Variants in SLC9A7 observed in about 807,000 individuals in gnomAD.
SLC9A7 encodes the protein sodium/hydrogen exchanger 7.
A neutral mutation model predicts 52.6 loss-of-function variants in SLC9A7; 19 were observed. That is an observed-to-expected ratio of 0.36 (90% CI 0.25 to 0.53). The LOEUF (loss-of-function observed/expected upper bound fraction) is 0.53, where lower values mean the gene tolerates loss of function less well. Among genes scored for constraint, SLC9A7 ranks in the 20% least tolerant of loss-of-function variants. The pLI, the probability that SLC9A7 is intolerant of heterozygous loss-of-function variation, is 0.91. For synonymous variants in SLC9A7, 226 were observed against 252.1 expected, an observed-to-expected ratio of 0.90 and a Z score of 0.98; for missense variants, 455 against 597.9, an observed-to-expected ratio of 0.76 and a Z score of 2.49.
In SLC9A7 at chrX:46,619,734, TTC is replaced by T. The variant is rs1358359420; in HGVS notation, c.1823+1241_1823+1242del. 2.7e-4 allele frequency among the ~76,000 whole-genome samples: 15 copies of T among 55,678 alleles called. No homozygotes were observed. In the African/African-American group the frequency reaches 2.7e-3, roughly 10 times the overall value. The allele number at this position is 55,678 out of a possible 115,157, so 48.3% of individuals were successfully genotyped here. A position where few individuals can be genotyped will look rare whatever the true frequency, so the allele number is the denominator to read the frequency against. ...TGAGGGGTTTGGCAATTTTCTTTCT[TTC>T]TTTTTTTTTTTTTGGAGACAGGGCC... On this transcript the variant is annotated intron_variant, in intron 15 of 16. Coordinates refer to ENST00000616978, the MANE Select transcript of SLC9A7 (RefSeq NM_001257291.2).
rs956761326 is a variant in SLC9A7, at chrX:46,606,160, A to C, written c.*792T>G. 10 of 676,157 alleles carry C rather than the reference A, an allele frequency of 1.5e-5. No homozygotes were observed. The South Asian group carries it at 2.3e-4, about 16-fold the overall frequency. 55.7% of individuals were successfully genotyped at this position (676,157 alleles called of 1,213,427 possible). A position where few individuals can be genotyped will look rare whatever the true frequency, so the allele number is the denominator to read the frequency against. On this transcript the variant is annotated 3_prime_UTR_variant, in exon 17 of 17. Coordinates refer to ENST00000616978, the MANE Select transcript of SLC9A7 (RefSeq NM_001257291.2). ...ACAGAGTGAAACACCATCTCAACAA[A>C]AAAAAAAAGTTGAATGCTTTTTGCA... is the stretch of plus-strand genomic sequence containing the variant.
chrX:46,688,512 G>T (rs1044902549), intron 1 of SLC9A7, among the ~76,000 whole-genome samples: 5 of 108,354 alleles, frequency 4.6e-5, no homozygotes, highest in African/African-American at 1.4e-4. Flanking sequence ...CAGGAGAATC[G>T]CTTGAACCTG....
intron 1 of SLC9A7, among the ~76,000 whole-genome samples, chrX:46,730,464 C>T (rs1259997712): frequency 2.9e-5 from 3 of 105,161 alleles, no homozygotes; most frequent in African/African-American, 1.0e-4. Context: ...TTCAAGACCA[C>T]CCTGGGAATC....
At position 46,624,383 on chromosome X, in the gene SLC9A7, G is replaced by C. The variant is rs1943092187; in HGVS notation, c.1741-3324C>G. On this transcript the variant is annotated intron_variant, in intron 14 of 16. Coordinates refer to ENST00000616978, the MANE Select transcript of SLC9A7 (RefSeq NM_001257291.2). The stretch of plus-strand genomic sequence containing the variant: ...GTACGTAGTGAGTTAAACTGTAGGA[G>C]GTCCAGTTGGTACTCATTGGGAATT... Among the ~76,000 whole-genome samples, 3 of 112,131 alleles carry C rather than the reference G, an allele frequency of 2.7e-5. No homozygotes were observed. In the South Asian group the frequency reaches 1.1e-3, roughly 41 times the overall value.
At chrX:46,648,427 C>T (rs1053243813) in intron 11 of SLC9A7, among the ~76,000 whole-genome samples, 3 of 111,308 alleles carry the variant, frequency 2.7e-5, no homozygotes, top group African/African-American at 9.8e-5. Context: ...AACACCATAT[C>T]TCCAGGTCCG....
rs1186810595 is a variant in SLC9A7, at chrX:46,620,998, A to G, written c.1802T>C (p.Leu601Pro). ...ATACTTGTGATCAAAGCTGTACCAC[A>G]GCCTGAATATCCATGCGCTCTCCTG... The part of the protein sequence containing the change: ...TKQESAWIFR[L>P]WYSFDHNYLK... The change falls in exon 15 of 17, where the codon CTG becomes CCG. Residue 601 changes from leucine (L) to proline (P), a missense_variant. Leu to Pro is a moderately conservative substitution (Grantham distance 98, BLOSUM62 -3). Around this residue, in one of 3 missense-constraint regions of SLC9A7, gnomAD observed 146 missense variants for 160.5 expected, o/e 0.91. Coordinates refer to ENST00000616978, the MANE Select transcript of SLC9A7 (RefSeq NM_001257291.2). 5.0e-6 allele frequency: 6 copies of G among 1,205,957 alleles called. No individual in the cohort carries two copies. The highest frequency in any genetic ancestry group is 5.6e-6 in the Non-Finnish European group (5 of 891,929).
intron 1 of SLC9A7, among the ~76,000 whole-genome samples, chrX:46,735,626 C>G (rs1481260999): frequency 8.9e-6 from 1 of 111,817 alleles, no homozygotes; most frequent in Admixed American, 9.5e-5. Context: ...CTTTTTTCTG[C>G]CTGAAGAATT....
chrX:46,623,901 T>C (rs1280077981), intron 14 of SLC9A7, among the ~76,000 whole-genome samples: 2 of 111,910 alleles, frequency 1.8e-5, no homozygotes, highest in Admixed American at 9.4e-5. Flanking sequence ...TGGACACTGA[T>C]TGCCAGAGAA....
chrX:46,663,814 C>T (rs1943872409), intron 5 of SLC9A7, among the ~76,000 whole-genome samples: 1 of 109,914 alleles, frequency 9.1e-6, no homozygotes, highest in Admixed American at 9.7e-5. Flanking sequence ...ACAAAATTAG[C>T]CGGGTGTGGT....
chrX:46,649,541 C>G (rs1163907839), intron 10 of SLC9A7, among the ~76,000 whole-genome samples: 1 of 111,707 alleles, frequency 9.0e-6, no homozygotes, highest in Non-Finnish European at 1.9e-5. Context: ...ACTTGCTGAG[C>G]TTAGAATAGT....
At chrX:46,673,790 C>T in intron 3 of SLC9A7, among the ~76,000 whole-genome samples, 1 of 111,229 alleles carries the variant, frequency 9.0e-6, no homozygotes, top group Non-Finnish European at 1.9e-5. Context: ...CCAGTGCTTG[C>T]CCCTATCTGA....
chrX:46,676,751 T>G (rs756276408), intron 3 of SLC9A7, among the ~76,000 whole-genome samples: 125 of 111,738 alleles, frequency 1.1e-3, no homozygotes, highest in African/African-American at 3.8e-3. Flanking sequence ...ATCTACTACA[T>G]GTCAATAGAT....
intron 1 of SLC9A7, among the ~76,000 whole-genome samples, chrX:46,738,980 T>G (rs191515266): frequency 9.0e-6 from 1 of 111,449 alleles, no homozygotes; most frequent in East Asian, 2.8e-4. Context: ...TATATTAAAT[T>G]ACAACATTAC....
At chrX:46,723,514 A>T (rs1298378012) in intron 1 of SLC9A7, among the ~76,000 whole-genome samples, 2 of 110,110 alleles carry the variant, frequency 1.8e-5, no homozygotes. Flanking sequence ...AAAGCCATGG[A>T]CCCTGTCAAG....
chrX:46,724,347 AG>A (rs1944910791), intron 1 of SLC9A7, among the ~76,000 whole-genome samples: 1 of 111,936 alleles, frequency 8.9e-6, no homozygotes, highest in Admixed American at 9.5e-5. Flanking sequence ...TGGTAGACCC[AG>A]GGCCCAAGCC....
chrX:46,668,791 A>C (rs991911437), intron 5 of SLC9A7, among the ~76,000 whole-genome samples: 1 of 111,661 alleles, frequency 9.0e-6, no homozygotes, highest in African/African-American at 3.3e-5. Context: ...ATAGCATTTC[A>C]ATTTTGCAAG....
intron 1 of SLC9A7, among the ~76,000 whole-genome samples, chrX:46,754,937 G>A (rs1172383533): frequency 2.7e-5 from 3 of 112,368 alleles, no homozygotes; most frequent in Non-Finnish European, 3.8e-5. Context: ...TCACATAACA[G>A]AGACAGACAG....
chrX:46,607,830 T>G (rs1372413007), intron 16 of SLC9A7, among the ~76,000 whole-genome samples: 1 of 110,598 alleles, frequency 9.0e-6, no homozygotes, highest in Non-Finnish European at 1.9e-5. Context: ...GTAGCGAGAG[T>G]GTCGGAGACG....
At position 46,636,614 on chromosome X, in the gene SLC9A7, G is replaced by A. The variant is rs1943324211; in HGVS notation, c.1617-966C>T. Among the ~76,000 whole-genome samples the A allele has an allele frequency of 2.7e-5, 3 of 109,542 alleles. No individual in the cohort carries two copies. The Admixed American group carries it at 2.9e-4, about 11-fold the overall frequency. ...CAATGGAGGCAGTATCACCCTCATGGGTATAAAAATTGGTTCTTGTAGGTT... is the reference window on the plus strand; with the variant it reads ...CAATGGAGGCAGTATCACCCTCATGAGTATAAAAATTGGTTCTTGTAGGTT... On this transcript the variant is annotated intron_variant, in intron 12 of 16. Transcript: ENST00000616978.
Sources: gnomAD v4.1 joint callset for allele counts (sites outside exome capture counted in the v4.1 genomes callset) on GRCh38, gnomAD v4.1.1 for gene constraint, gnomAD v4.1.1 regional missense constraint, MANE v1.5 for transcripts, NCBI Gene and HGNC (gene_info 2026-07-23, HGNC 2026-07-21) for gene names.